Variants in IL32 observed in about 807,000 individuals in gnomAD.
IL32 encodes the protein interleukin-32.
IL32 carries 30 observed loss-of-function variants against 16.6 expected under a neutral mutation model. That is an observed-to-expected ratio of 1.81 (90% CI 1.35 to 2.45). The LOEUF is 2.45. IL32 is among the 30% of genes most tolerant of loss of function. The probability of loss-of-function intolerance (pLI) is 0.00; values close to 1 mark genes in which losing one functional copy is unlikely to be tolerated. For missense variants in IL32, 234 were observed against 229.8 expected (o/e 1.02, Z -0.12); for synonymous variants, 70 against 86.1 (o/e 0.81, Z 1.03).
rs776480395 is a variant in IL32 at position 3,069,245 on chromosome 16, T to C, written c.457T>C (p.Cys153Arg). The C allele has an allele frequency of 1.1e-5, 17 of 1,614,142 alleles. No individual in the cohort carries two copies. The highest frequency in any genetic ancestry group is 1.4e-5 in the Non-Finnish European group (17 of 1,180,062). ...CTGGAAACAGTTCCAGAGTTTCTGC[T>C]GCTCTCTGTCAGAGCTCTTCATGTC... Reference protein sequence around the residue: ...ALWKQFQSFCCSLSELFMSSF... With the variant: ...ALWKQFQSFCRSLSELFMSSF... The change falls in exon 7 of 7, where the codon TGC becomes CGC. Residue 153 changes from cysteine (C) to arginine (R), a missense_variant. This residue lies in a region of IL32 where 53 missense variants were observed against 46.1 expected (regional missense o/e 1.15). Transcript: ENST00000525643.
Position 3,065,880 on chromosome 16 carries a change from G to C in IL32, c.15+54G>C, listed in dbSNP as rs919948394. On this transcript the variant is annotated intron_variant, in intron 2 of 6. Coordinates refer to ENST00000525643, the MANE Select transcript of IL32 (RefSeq NM_001376923.1). The stretch of plus-strand genomic sequence containing the variant: ...GGGCATGTCTGAAAACAGACCGTAA[G>C]GGTGCGGGTGCCCTCAGTATTTCCC... 2.5e-6 allele frequency: 4 copies of C among 1,606,874 alleles called. No homozygotes were observed. The African/African-American group carries it at 4.0e-5, about 16-fold the overall frequency.
intron 4 of IL32, 74 bp downstream of exon 4, chr16:3,067,687 G>T: frequency 8.4e-7 from 1 of 1,184,604 alleles, no homozygotes; most frequent in Admixed American, 1.7e-5. Context: ...TGGGGCTCAG[G>T]GTGAGAAGGA....
At chr16:3,066,873 G>T (rs1048857940) in intron 2 of IL32, among the ~76,000 whole-genome samples, 2 of 151,722 alleles carry the variant, frequency 1.3e-5, no homozygotes, top group Non-Finnish European at 3.0e-5. Context: ...TCCCGTGTGT[G>T]TACATGGGGG....
chr16:3,065,586 C>G (rs1056465197), upstream of IL32: 4 of 637,130 alleles, frequency 6.3e-6, no homozygotes, highest in Non-Finnish European at 1.1e-5. Flanking sequence ...GAGAGAGGCT[C>G]CGCCCACTAC....
At position 3,065,946 on chromosome 16, in the gene IL32, G is replaced by A. The variant is rs114106725; in HGVS notation, c.15+120G>A. On this transcript the variant is annotated intron_variant, in intron 2 of 6. Coordinates refer to ENST00000525643, the MANE Select transcript of IL32 (RefSeq NM_001376923.1). ...CAGGGCTCAGTCAGGGGCACCCAGC[G>A]GCAGGAGGATAGTGATGGGGTGAGA... 1,832 of 1,201,482 alleles carry A rather than the reference G, an allele frequency of 1.5e-3. 24 individuals carry two copies. In the African/African-American group the frequency reaches 0.022, roughly 15 times the overall value. 74.4% of individuals were successfully genotyped at this position (1,201,482 alleles called of 1,614,324 possible). A position where few individuals can be genotyped will look rare whatever the true frequency, so the allele number is the denominator to read the frequency against.
chr16:3,068,600 C>A, intron 6 of IL32: 1 of 406,104 alleles, frequency 2.5e-6, no homozygotes, highest in South Asian at 2.2e-5. Flanking sequence ...CATGAGCCAC[C>A]GGGCCCAGCC....
At chr16:3,066,228 C>A (rs1956290661) in intron 2 of IL32, among the ~76,000 whole-genome samples, 1 of 151,852 alleles carries the variant, frequency 6.6e-6, no homozygotes, top group Non-Finnish European at 1.5e-5. Context: ...GACCTCCCAT[C>A]CTCTACCACT....
chr16:3,065,551 C>T (rs184095365), upstream of IL32: 46 of 590,906 alleles, frequency 7.8e-5, no homozygotes, highest in South Asian at 5.9e-4. Context: ...CTGTTTTTCA[C>T]GCACTCAGCA....
intron 6 of IL32, 115 bp downstream of exon 6, chr16:3,068,354 G>T: frequency 8.4e-6 from 8 of 947,960 alleles, no homozygotes; most frequent in Non-Finnish European, 1.3e-5. Context: ...CGCCCAGGCT[G>T]GAGTGCAGTG....
At chr16:3,068,728 G>A in intron 6 of IL32, 2 of 533,944 alleles carry the variant, frequency 3.7e-6, no homozygotes, top group Non-Finnish European at 6.7e-6. Flanking sequence ...TCCTCACACA[G>A]TGGCACAGCC....
chr16:3,065,766 C>T lies in IL32; in HGVS notation c.-28-18C>T. The T allele has an allele frequency of 6.2e-7, 1 of 1,613,746 alleles. No individual in the cohort carries two copies. The highest frequency in any genetic ancestry group is 8.5e-7 in the Non-Finnish European group (1 of 1,179,624). Reference sequence around the variant, plus strand: ...TCTGAGACACTTTCTTTTCCTCACACCTGTTCCTCGCCAGCAGGCCTTGGC... The same window carrying T: ...TCTGAGACACTTTCTTTTCCTCACATCTGTTCCTCGCCAGCAGGCCTTGGC... On this transcript the variant is annotated intron_variant, in intron 1 of 6. Transcript: ENST00000525643.
chr16:3,068,133 G>T, intron 5 of IL32, 47 bp from the exon 6 acceptor site: 2 of 1,603,112 alleles, frequency 1.2e-6, no homozygotes, highest in Non-Finnish European at 1.7e-6. Context: ...CAGTGGGAAG[G>T]GGGCAGGCAG....
chr16:3,067,333 T>C, intron 2 of IL32, 44 bp from the exon 3 acceptor site: 1 of 1,132,318 alleles, frequency 8.8e-7, no homozygotes. Flanking sequence ...GGAGGAAAGG[T>C]TAAGGTGACA....
rs1362279089 is a variant in IL32, at chr16:3,068,270, G to C, written c.201+31G>C. 5 of 1,550,634 alleles carry C rather than the reference G, an allele frequency of 3.2e-6. No individual in the cohort carries two copies. In the Admixed American group the frequency reaches 9.4e-5, roughly 29 times the overall value. ...TATGACACACCCATCTGGGCACCTT[G>C]CCTTCCTTCACCTCTGCCCTGTCTT... On this transcript the variant is annotated intron_variant, in intron 6 of 6. Coordinates refer to ENST00000525643, the MANE Select transcript of IL32 (RefSeq NM_001376923.1).
At chr16:3,065,886 G>C (rs1332189327) in intron 2 of IL32, 60 bp downstream of exon 2, 2 of 1,601,206 alleles carry the variant, frequency 1.2e-6, no homozygotes, top group African/African-American at 2.7e-5. Context: ...GTAAGGGTGC[G>C]GGTGCCCTCA....
In IL32 at chr16:3,067,956, C is replaced by T. The variant is rs776367677; in HGVS notation, c.115-28C>T. Reference sequence around the variant, plus strand: ...TGTGGGGTGCAGAGGAGGCTTGGGCCTGGAACCGAGTGCTTTGTTCCTAAC... The same window carrying T: ...TGTGGGGTGCAGAGGAGGCTTGGGCTTGGAACCGAGTGCTTTGTTCCTAAC... On this transcript the variant is annotated intron_variant, in intron 4 of 6. Coordinates refer to ENST00000525643, the MANE Select transcript of IL32 (RefSeq NM_001376923.1). 12 of 1,613,668 alleles carry T rather than the reference C, an allele frequency of 7.4e-6. No individual in the cohort carries two copies. In the South Asian group the frequency reaches 1.2e-4, roughly 16 times the overall value.
chr16:3,065,601 C>G, upstream of IL32: 6 of 669,000 alleles, frequency 9.0e-6, no homozygotes, highest in South Asian at 3.4e-5. Flanking sequence ...CACTACCCCC[C>G]ACTTTCCCCA....
At chr16:3,067,523 C>A (rs765511176) in intron 3 of IL32, 31 bp from the exon 4 acceptor site, 2 of 1,613,988 alleles carry the variant, frequency 1.2e-6, no homozygotes, top group Non-Finnish European at 1.7e-6. Context: ...AGGATCCGGC[C>A]CTTTGGTGCC....
chr16:3,067,373 G>A lies in IL32; in HGVS notation c.16-4G>A, dbSNP rs190241571. On this transcript the variant is annotated splice_region_variant and splice_polypyrimidine_tract_variant and intron_variant, in intron 2 of 6. Transcript: ENST00000525643. ...GAGACTGAGTGTCACCGTTATTTCC[G>A]CAGGTCCTCTCTGATGACATGAAGA... 400 of 1,525,326 alleles carry A rather than the reference G, an allele frequency of 2.6e-4. 3 individuals are homozygous for A. The African/African-American group carries it at 3.8e-3, about 15-fold the overall frequency. 94.5% of individuals were successfully genotyped at this position (1,525,326 alleles called of 1,614,324 possible). A position where few individuals can be genotyped will look rare whatever the true frequency, so the allele number is the denominator to read the frequency against.
Sources: gnomAD v4.1 joint callset for allele counts (sites outside exome capture counted in the v4.1 genomes callset) on GRCh38, gnomAD v4.1.1 for gene constraint, gnomAD v4.1.1 regional missense constraint, MANE v1.5 for transcripts, NCBI Gene and HGNC (gene_info 2026-07-23, HGNC 2026-07-21) for gene names.